Variants in ADGRL4 observed in about 807,000 individuals in gnomAD.
The protein encoded by ADGRL4 is adhesion G protein-coupled receptor L4, also known as EGF, latrophilin and seven transmembrane domain containing 1.
ADGRL4 carries 90 observed loss-of-function variants against 74.8 expected under a neutral mutation model. The observed-to-expected ratio is 1.20, with a 90% CI of 1.02 to 1.43. The LOEUF is 1.43. Among genes scored for constraint, ADGRL4 ranks in the 40% most tolerant of loss-of-function variants. The pLI is 0.00. For synonymous variants in ADGRL4, 311 were observed against 279.2 expected (o/e 1.11, Z -1.14); for missense variants, 881 against 814.3 (o/e 1.08, Z -1.00).
intron 2 of ADGRL4, among the ~76,000 whole-genome samples, chr1:78,979,955 A>C (rs1253030019): frequency 6.6e-6 from 1 of 151,928 alleles, no homozygotes; most frequent in East Asian, 1.9e-4. Flanking sequence ...CTTGAATCAC[A>C]GGTGCACCAA....
intron 8 of ADGRL4, 132 bp downstream of exon 8, chr1:78,926,754 T>A: frequency 1.5e-6 from 1 of 650,122 alleles, no homozygotes; most frequent in Non-Finnish European, 2.6e-6. Context: ...TAGTTAAAAC[T>A]ACTTCACTCT....
At position 78,971,229 on chromosome 1, in the gene ADGRL4, C is replaced by T. The variant is rs142184330; in HGVS notation, c.173-24803G>A. Reference sequence around the variant, plus strand: ...ACAGCAGGAAGCAGTTAAGATAGGTCTTTGACCTTATCCTTATCCTTATTC... The same window carrying T: ...ACAGCAGGAAGCAGTTAAGATAGGTTTTTGACCTTATCCTTATCCTTATTC... On this transcript the variant is annotated intron_variant, in intron 2 of 14. Coordinates refer to ENST00000370742, the MANE Select transcript of ADGRL4 (RefSeq NM_022159.4). Among the ~76,000 whole-genome samples the T allele has an allele frequency of 9.5e-3, 1,444 of 152,190 alleles. 13 individuals are homozygous for T. Among genetic ancestry groups the T allele is most frequent in the Non-Finnish European group, 0.015 (1,043 of 68,016 alleles).
intron 2 of ADGRL4, among the ~76,000 whole-genome samples, chr1:78,982,369 A>C (rs985382406): frequency 1.3e-5 from 2 of 152,052 alleles, no homozygotes; most frequent in South Asian, 4.1e-4. Flanking sequence ...GATGTTTTTT[A>C]CTGTAAGTAC....
chr1:78,909,486 T>C (rs999293679), intron 12 of ADGRL4, among the ~76,000 whole-genome samples: 3 of 151,846 alleles, frequency 2.0e-5, no homozygotes, highest in Non-Finnish European at 2.9e-5. Context: ...AGACCAGAGA[T>C]GTTCCTAAGC....
chr1:78,944,865 G>A (rs919459691), intron 3 of ADGRL4, among the ~76,000 whole-genome samples: 3 of 152,028 alleles, frequency 2.0e-5, no homozygotes, highest in African/African-American at 7.2e-5. Flanking sequence ...CTTTAACACA[G>A]ACATTTCACA....
chr1:78,956,759 G>A (rs1264286784), intron 2 of ADGRL4, among the ~76,000 whole-genome samples: 1 of 152,092 alleles, frequency 6.6e-6, no homozygotes, highest in Non-Finnish European at 1.5e-5. Flanking sequence ...AAAAACCCTT[G>A]TAAATAATGA....
chr1:78,953,733 G>T (rs150838468), intron 2 of ADGRL4, among the ~76,000 whole-genome samples: 1 of 152,168 alleles, frequency 6.6e-6, no homozygotes, highest in African/African-American at 2.4e-5. Context: ...AGGTAAAAAT[G>T]GTGGACAATA....
chr1:78,936,171 T>C, intron 7 of ADGRL4, 124 bp downstream of exon 7: 1 of 865,078 alleles, frequency 1.2e-6, no homozygotes, highest in Middle Eastern at 3.7e-4. Context: ...CTGTATACTG[T>C]ACATACATCA....
chr1:78,915,938 A>G (rs2100667106), intron 12 of ADGRL4, among the ~76,000 whole-genome samples: 1 of 152,000 alleles, frequency 6.6e-6, no homozygotes, highest in Admixed American at 6.6e-5. Context: ...TTAATTGTAG[A>G]GTAAAACTGA....
intron 12 of ADGRL4, among the ~76,000 whole-genome samples, chr1:78,893,964 G>A (rs1648342310): frequency 1.3e-5 from 2 of 151,718 alleles, no homozygotes; most frequent in South Asian, 2.1e-4. Context: ...TAAATGAAGG[G>A]TATATGTTAA....
chr1:78,924,543 C>T (rs1242237481), intron 8 of ADGRL4, among the ~76,000 whole-genome samples: 2 of 151,986 alleles, frequency 1.3e-5, no homozygotes, highest in East Asian at 1.9e-4. Flanking sequence ...ATCATCTAGA[C>T]AGCATCAAGG....
intron 13 of ADGRL4, among the ~76,000 whole-genome samples, chr1:78,892,068 G>C (rs1039188711): frequency 6.6e-5 from 10 of 151,912 alleles, no homozygotes; most frequent in African/African-American, 1.9e-4. Context: ...ATATCTGTTA[G>C]GAAGTATTTT....
At chr1:78,918,111 T>C in intron 10 of ADGRL4, 61 bp from the exon 11 acceptor site, 1 of 1,341,766 alleles carries the variant, frequency 7.5e-7, no homozygotes. Context: ...TATCATAACA[T>C]ACAATCTCTA....
Position 78,984,115 on chromosome 1 carries a change from A to G in ADGRL4, c.172+20955T>C, listed in dbSNP as rs143286000. On this transcript the variant is annotated intron_variant, in intron 2 of 14. Transcript: ENST00000370742. Reference sequence around the variant, plus strand: ...GAGACAGTAGAGTATACTGATTCAAACATGTTTTAATACAAGCGAAGACAC... The same window carrying G: ...GAGACAGTAGAGTATACTGATTCAAGCATGTTTTAATACAAGCGAAGACAC... Among the ~76,000 whole-genome samples the G allele has an allele frequency of 3.1e-3, 467 of 151,840 alleles. 5 individuals carry two copies. The highest frequency in any genetic ancestry group is 0.011 in the African/African-American group (443 of 41,508).
intron 7 of ADGRL4, among the ~76,000 whole-genome samples, chr1:78,934,308 T>C (rs1242216111): frequency 1.3e-5 from 2 of 152,018 alleles, no homozygotes; most frequent in Non-Finnish European, 2.9e-5. Flanking sequence ...GGGGAAAGGA[T>C]CTCTTATTCA....
At chr1:78,948,859 A>G (rs998926006) in intron 2 of ADGRL4, among the ~76,000 whole-genome samples, 4 of 152,168 alleles carry the variant, frequency 2.6e-5, no homozygotes, top group Admixed American at 2.6e-4. Context: ...CTCAAAAGTG[A>G]ATATATCTAT....
intron 2 of ADGRL4, among the ~76,000 whole-genome samples, chr1:78,999,524 G>A (rs1650791729): frequency 6.6e-6 from 1 of 152,140 alleles, no homozygotes; most frequent in South Asian, 2.1e-4. Context: ...AGTAAGCTGA[G>A]ATCGCACCAC....
chr1:79,000,707 G>T (rs1457517823), intron 2 of ADGRL4, among the ~76,000 whole-genome samples: 2 of 152,170 alleles, frequency 1.3e-5, no homozygotes, highest in Admixed American at 6.5e-5. Flanking sequence ...AAATTGGCAA[G>T]ATATTTTATT....
At chr1:78,938,040 C>T in intron 5 of ADGRL4, 50 bp from the exon 6 acceptor site, 3 of 1,603,240 alleles carry the variant, frequency 1.9e-6, no homozygotes, top group Non-Finnish European at 2.6e-6. Flanking sequence ...CTACACTATT[C>T]ACAAATGAAA....
Sources: allele counts gnomAD v4.1 joint callset (sites outside exome capture counted in the v4.1 genomes callset), GRCh38; gene constraint gnomAD v4.1.1; transcripts MANE v1.5; gene names NCBI Gene and HGNC (gene_info 2026-07-23, HGNC 2026-07-21).